The following FOXK2 variants were observed in gnomAD, a reference collection of about 807,000 sequenced individuals.
FOXK2 encodes forkhead box protein K2.
FOXK2 carries 24 observed loss-of-function variants against 53.3 expected under a neutral mutation model. The ratio of observed to expected loss-of-function variants is 0.45; its 90% confidence interval spans 0.33 to 0.63. FOXK2 has a LOEUF of 0.63. Among genes scored for constraint, FOXK2 ranks in the 30% least tolerant of loss-of-function variants. The pLI is 0.03. For synonymous variants in FOXK2, 505 were observed against 407.1 expected (o/e 1.24, Z -2.89); for missense variants, 952 against 910.5 (o/e 1.05, Z -0.59).
intron 8 of FOXK2, among the ~76,000 whole-genome samples, chr17:82,597,468 C>T (rs537060242): frequency 2.6e-5 from 4 of 152,168 alleles, no homozygotes; most frequent in Non-Finnish European, 4.4e-5. Flanking sequence ...GTCTTCCTTG[C>T]GTGCCCTCCA....
rs755354253 is a variant in FOXK2, at chr17:82,568,041, T to A, written c.615-13T>A. 6.3e-7 allele frequency: 1 copy of A among 1,586,342 alleles called. No homozygotes were observed. Among genetic ancestry groups the A allele is most frequent in the Non-Finnish European group, 8.5e-7 (1 of 1,172,424 alleles). On this transcript the variant is annotated splice_polypyrimidine_tract_variant and intron_variant, in intron 2 of 8. Coordinates refer to ENST00000335255, the MANE Select transcript of FOXK2 (RefSeq NM_004514.4). ...GTGATAGACTAATAGGAACAACTTT[T>A]TCTCTTCCACAGCGCTGCAAACTCC...
At chr17:82,598,252 C>T (rs993696476) in intron 8 of FOXK2, among the ~76,000 whole-genome samples, 2 of 152,070 alleles carry the variant, frequency 1.3e-5, no homozygotes, top group Non-Finnish European at 2.9e-5. Context: ...AGTTTTATGT[C>T]CTTTTAAAAA....
intron 4 of FOXK2, among the ~76,000 whole-genome samples, chr17:82,574,364 A>G (rs1157106950): frequency 1.4e-5 from 2 of 144,070 alleles, no homozygotes; most frequent in South Asian, 2.2e-4. Flanking sequence ...CTTGTTGCCC[A>G]GGCTGGAGTG....
At chr17:82,545,282 C>T (rs1053609250) in intron 1 of FOXK2, among the ~76,000 whole-genome samples, 1 of 152,198 alleles carries the variant, frequency 6.6e-6, no homozygotes, top group Non-Finnish European at 1.5e-5. Flanking sequence ...GAATTCCTAT[C>T]CCGAATTCTA....
intron 1 of FOXK2, among the ~76,000 whole-genome samples, chr17:82,530,094 A>G (rs1033126541): frequency 1.3e-5 from 2 of 152,212 alleles, no homozygotes; most frequent in African/African-American, 4.8e-5. Context: ...CCACGCTGGG[A>G]AAGATGGCTC....
intron 1 of FOXK2, among the ~76,000 whole-genome samples, chr17:82,544,801 G>A (rs1460380131): frequency 1.3e-5 from 2 of 152,022 alleles, no homozygotes; most frequent in Non-Finnish European, 2.9e-5. Context: ...GCGGGTGGCC[G>A]TCCTCAGTGG....
intron 8 of FOXK2, chr17:82,593,955 G>GT (rs1383906776): frequency 6.6e-6 from 1 of 152,336 alleles, no homozygotes; most frequent in Non-Finnish European, 1.5e-5. Context: ...GGACGAGGAG[G>GT]TGCGAGGCCT....
At chr17:82,594,530 C>T (rs556561115) in intron 8 of FOXK2, among the ~76,000 whole-genome samples, 2 of 149,340 alleles carry the variant, frequency 1.3e-5, no homozygotes, top group Non-Finnish European at 3.0e-5. Flanking sequence ...CCAGACACTT[C>T]AGTTTGAAAA....
chr17:82,574,229 G>C (rs570950419), intron 4 of FOXK2, among the ~76,000 whole-genome samples: 1 of 152,204 alleles, frequency 6.6e-6, no homozygotes, highest in Admixed American at 6.5e-5. Context: ...GGCCACTCCT[G>C]TGTCATTTCA....
chr17:82,537,566 C>T (rs182094672), intron 1 of FOXK2, among the ~76,000 whole-genome samples: 1 of 133,200 alleles, frequency 7.5e-6, no homozygotes, highest in East Asian at 2.4e-4. Context: ...TTGCAGTGAG[C>T]TGAGATCATG....
chr17:82,545,730 CA>C (rs2044618112), intron 1 of FOXK2, among the ~76,000 whole-genome samples: 1 of 152,004 alleles, frequency 6.6e-6, no homozygotes, highest in Non-Finnish European at 1.5e-5. Flanking sequence ...TATAGGTACG[CA>C]CCAGCACACC....
chr17:82,523,632 C>T (rs865779306), intron 1 of FOXK2, among the ~76,000 whole-genome samples: 4 of 151,848 alleles, frequency 2.6e-5, no homozygotes, highest in African/African-American at 4.8e-5. Flanking sequence ...ACTACACCAC[C>T]GCACCCAGTT....
intron 1 of FOXK2, among the ~76,000 whole-genome samples, chr17:82,521,014 C>T (rs773263268): frequency 2.6e-5 from 4 of 152,276 alleles, no homozygotes; most frequent in Middle Eastern, 3.4e-3. Context: ...AACTGCCTAT[C>T]CTGCTACAAA....
In FOXK2 at chr17:82,603,582, T is replaced by C. The variant is rs1179182779; in HGVS notation, c.*2083T>C. On this transcript the variant is annotated 3_prime_UTR_variant, in exon 9 of 9. Transcript: ENST00000335255. ...TCCAGAAGGAGTCGGGGGTAGACTT[T>C]CCCGTGTAAGCTCAGTCCATAAACT... is the stretch of plus-strand genomic sequence containing the variant. The C allele has an allele frequency of 2.0e-5, 3 of 152,244 alleles. No homozygotes were observed. The highest frequency in any genetic ancestry group is 2.9e-5 in the Non-Finnish European group (2 of 68,056). The allele number at this position is 152,244 out of a possible 1,614,324, so 9.4% of individuals were successfully genotyped here. A position where few individuals can be genotyped will look rare whatever the true frequency, so the allele number is the denominator to read the frequency against.
intron 8 of FOXK2, among the ~76,000 whole-genome samples, chr17:82,595,031 C>A (rs1186129451): frequency 6.6e-6 from 1 of 152,148 alleles, no homozygotes; most frequent in Non-Finnish European, 1.5e-5. Context: ...CAGGGTGAGA[C>A]CCTCTCCACA....
chr17:82,520,527 C>T (rs76235422), intron 1 of FOXK2, among the ~76,000 whole-genome samples: 23,383 of 152,110 alleles, frequency 0.15, 2,196 homozygotes, highest in East Asian at 0.32. Context: ...CAGGTGCAGC[C>T]CCCCGTCTTT....
At chr17:82,525,986 C>CTTATGTGGCCTGAATCCCACACTTTG (rs2144041518) in intron 1 of FOXK2, among the ~76,000 whole-genome samples, 1 of 152,316 alleles carries the variant, frequency 6.6e-6, no homozygotes, top group African/African-American at 2.4e-5. Context: ...CCCACACTTT[C>CTTATGTGGCCTGAATCCCACACTTTG]TTATGTGGCA....
intron 1 of FOXK2, among the ~76,000 whole-genome samples, chr17:82,526,695 T>G (rs1324879586): frequency 6.6e-6 from 1 of 152,084 alleles, no homozygotes. Context: ...CTGGGCATGG[T>G]GGCGGGCACC....
intron 4 of FOXK2, among the ~76,000 whole-genome samples, chr17:82,573,438 A>G (rs6502121): frequency 0.44 from 66,975 of 151,732 alleles, 14,946 homozygotes; most frequent in South Asian, 0.56. Flanking sequence ...ATATTCAGTT[A>G]CATGTCAGGG....
Sources: allele counts gnomAD v4.1 joint callset (sites outside exome capture counted in the v4.1 genomes callset), GRCh38; gene constraint gnomAD v4.1.1; transcripts MANE v1.5; gene names NCBI Gene and HGNC (gene_info 2026-07-23, HGNC 2026-07-21).